The following SCNN1A variants were observed in gnomAD, a reference collection of about 807,000 sequenced individuals.
SCNN1A encodes the protein epithelial sodium channel subunit alpha.
In SCNN1A, 65 loss-of-function variants were observed where a neutral mutation model predicts 68.6. That is an observed-to-expected ratio of 0.95 (90% CI 0.78 to 1.16). The LOEUF is 1.16. Among genes scored for constraint, SCNN1A ranks in the 50% most tolerant of loss-of-function variants. The pLI is 0.00. For missense variants in SCNN1A, 880 were observed against 865.9 expected, an observed-to-expected ratio of 1.02 and a Z score of -0.20; for synonymous variants, 357 against 353.3, an observed-to-expected ratio of 1.01 and a Z score of -0.12.
upstream of SCNN1A, chr12:6,376,208 G>C (rs946380933): frequency 1.0e-6 from 1 of 984,240 alleles, no homozygotes; most frequent in Admixed American, 6.1e-5. Context: ...GGTGGGATGC[G>C]TCTGCCTCCT....
At chr12:6,366,151 G>A (rs1294645169) in intron 2 of SCNN1A, among the ~76,000 whole-genome samples, 1 of 152,086 alleles carries the variant, frequency 6.6e-6, no homozygotes, top group Non-Finnish European at 1.5e-5. Flanking sequence ...ACCACGCCCA[G>A]CCGAACAGAC....
chr12:6,356,020 CCTA>C, intron 4 of SCNN1A, 140 bp from the exon 5 acceptor site: 1 of 743,978 alleles, frequency 1.3e-6, no homozygotes, highest in South Asian at 1.4e-5. Context: ...TTCCTGATCA[CCTA>C]CTATGTGCTG....
chr12:6,348,791 G>A lies in SCNN1A; in HGVS notation c.1565C>T (p.Ala522Val). ...CTCCTTGAAGAAGATGTTGACTTTGGCCACTCCATTTCTTAGGTGTGGGGC... is the reference window on the plus strand; with the variant it reads ...CTCCTTGAAGAAGATGTTGACTTTGACCACTCCATTTCTTAGGTGTGGGGC... ...YTVNNKRNGV[A>V]KVNIFFKELN... Residue 522 changes from alanine to valine, a missense_variant, in exon 12 of 13, where the codon GCC becomes GTC. By Grantham distance (64) the Ala-to-Val change is moderately conservative. Transcript: ENST00000228916. The A allele has an allele frequency of 1.9e-6, 3 of 1,613,760 alleles. No homozygotes were observed. The highest frequency in any genetic ancestry group is 2.5e-6 in the Non-Finnish European group (3 of 1,179,924).
In SCNN1A at chr12:6,353,715, A is replaced by G. The variant is rs1311894051; in HGVS notation, c.1360+723T>C. 2.0e-4 allele frequency: 18 copies of G among 91,820 alleles called. 4 individuals carry two copies. The highest frequency in any genetic ancestry group is 1.2e-3 in the African/African-American group (17 of 14,164). The allele number at this position is 91,820 out of a possible 1,614,324, so 5.7% of individuals were successfully genotyped here. On this transcript the variant is annotated intron_variant, in intron 8 of 12. Coordinates refer to ENST00000228916, the MANE Select transcript of SCNN1A (RefSeq NM_001038.6). ...CACCATTCTCCTGCCTCAGCCTCCC[A>G]CGTAGCTGGGACTACAGGCGCCCGC...
At position 6,374,658 on chromosome 12, in the gene SCNN1A, C is replaced by T. The variant is rs138995556; in HGVS notation, c.126G>A (p.Thr42=). 972 of 1,613,764 alleles carry T rather than the reference C, an allele frequency of 6.0e-4. 1 individual carries two copies. Among genetic ancestry groups the T allele is most frequent in the Non-Finnish European group, 6.9e-4 (820 of 1,179,856 alleles). The stretch of plus-strand genomic sequence containing the variant: ...ACTCGATCAGGGCCTCCTCCTCCGC[C>T]GTGGGCTGCTGGGGCGCCGCAGGTT... The part of the protein sequence containing the change: ...GPEPAAPQQP[T]AEEEALIEFH... Residue 42 remains threonine, a synonymous_variant, in exon 2 of 13, where the codon ACG becomes ACA. Coordinates refer to ENST00000228916, the MANE Select transcript of SCNN1A (RefSeq NM_001038.6). The surrounding 1 kb of genome is among the most constrained non-coding windows in gnomAD (Gnocchi z 6.2).
At chr12:6,363,296 AC>A (rs1225948766) in intron 3 of SCNN1A, 146 bp downstream of exon 3, 22 of 561,310 alleles carry the variant, frequency 3.9e-5, no homozygotes, top group Non-Finnish European at 5.6e-5. Context: ...GTATTTATTT[AC>A]TTTTTTTTTT....
chr12:6,349,691 AGAGT>A (rs948438409), intron 8 of SCNN1A: 1 of 372,744 alleles, frequency 2.7e-6, no homozygotes. Context: ...CTCTGGCAAC[AGAGT>A]GAGACCTTGT....
chr12:6,359,314 G>A (rs761901295), intron 4 of SCNN1A, among the ~76,000 whole-genome samples: 2 of 152,184 alleles, frequency 1.3e-5, no homozygotes, highest in South Asian at 2.1e-4. Context: ...TGTAGTTATC[G>A]GGGAGGAAAG....
chr12:6,364,440 A>G (rs1020500997), intron 2 of SCNN1A, among the ~76,000 whole-genome samples: 1 of 152,202 alleles, frequency 6.6e-6, no homozygotes, highest in Non-Finnish European at 1.5e-5. Flanking sequence ...TGCAGGGTAC[A>G]CAACAAATAC....
At chr12:6,362,013 C>T (rs771422990) in intron 4 of SCNN1A, 38 bp downstream of exon 4, 9 of 1,608,724 alleles carry the variant, frequency 5.6e-6, no homozygotes, top group Non-Finnish European at 6.8e-6. Flanking sequence ...GGGAAGCGGA[C>T]CCCGCGGAGA....
At chr12:6,353,978 T>G in intron 8 of SCNN1A, 1 of 177,592 alleles carries the variant, frequency 5.6e-6, no homozygotes, top group East Asian at 1.5e-4. Context: ...GGAACAGAGA[T>G]AGAAGAGAGA....
chr12:6,362,022 G>A, intron 4 of SCNN1A, 29 bp downstream of exon 4: 1 of 1,612,352 alleles, frequency 6.2e-7, no homozygotes, highest in Non-Finnish European at 8.5e-7. Flanking sequence ...ACCCCGCGGA[G>A]AGCAAGGAGC....
intron 2 of SCNN1A, among the ~76,000 whole-genome samples, chr12:6,369,177 A>G (rs1948733236): frequency 6.6e-6 from 1 of 151,268 alleles, no homozygotes; most frequent in Non-Finnish European, 1.5e-5. Context: ...ACCAACTTCA[A>G]TCTGGTTGTC....
At position 6,354,433 on chromosome 12, in the gene SCNN1A, C is replaced by A; in HGVS notation, c.1360+5G>T. The A allele has an allele frequency of 6.3e-7, 1 of 1,591,780 alleles. No individual in the cohort carries two copies. The highest frequency in any genetic ancestry group is 8.6e-7 in the Non-Finnish European group (1 of 1,161,036). On this transcript the variant is annotated splice_donor_5th_base_variant and intron_variant, in intron 8 of 12. Coordinates refer to ENST00000228916, the MANE Select transcript of SCNN1A (RefSeq NM_001038.6). Reference sequence around the variant, plus strand: ...GGGCAGGGTGGGGGCTCCCTGGAGTCTCACCCCAGGAACTGTGCTTTCTGT... The same window carrying A: ...GGGCAGGGTGGGGGCTCCCTGGAGTATCACCCCAGGAACTGTGCTTTCTGT...
chr12:6,375,509 C>G lies in SCNN1A; in HGVS notation c.-59G>C, dbSNP rs72645135. On this transcript the variant is annotated 5_prime_UTR_variant, in exon 1 of 13. Transcript: ENST00000228916. ...CAAACCTCTCCTCCCCCTCACCTGA[C>G]AGGTGCAGCGGCCTGGCTGGGGAGC... The G allele has an allele frequency of 1.7e-4, 260 of 1,535,408 alleles. No individual in the cohort carries two copies. Among genetic ancestry groups the G allele is most frequent in the Non-Finnish European group, 2.0e-4 (235 of 1,146,832 alleles).
intron 8 of SCNN1A, chr12:6,353,818 T>A (rs1387634822): frequency 6.9e-6 from 1 of 145,156 alleles, no homozygotes; most frequent in Non-Finnish European, 1.5e-5. Context: ...CTCCATCTCC[T>A]GACCTCGTGA....
chr12:6,363,837 G>C, intron 2 of SCNN1A, 127 bp from the exon 3 acceptor site: 1 of 896,132 alleles, frequency 1.1e-6, no homozygotes, highest in Admixed American at 3.2e-5. Context: ...GGCGGGGCTG[G>C]GGTCGTCGTG....
chr12:6,370,488 G>A (rs559983501), intron 2 of SCNN1A, among the ~76,000 whole-genome samples: 84 of 152,154 alleles, frequency 5.5e-4, no homozygotes, highest in Middle Eastern at 3.2e-3. Context: ...CTCTTACCCC[G>A]GTGGCCTCCT....
At chr12:6,349,806 A>C (rs575671623) in intron 8 of SCNN1A, 42 of 207,564 alleles carry the variant, frequency 2.0e-4, no homozygotes, top group African/African-American at 9.6e-4. Context: ...GGCTCACTGC[A>C]AGCTCCGCCT....
Sources: allele counts gnomAD v4.1 joint callset (sites outside exome capture counted in the v4.1 genomes callset), GRCh38; gene constraint gnomAD v4.1.1; non-coding constraint Gnocchi (gnomAD v3.1); transcripts MANE v1.5; gene names NCBI Gene and HGNC (gene_info 2026-07-23, HGNC 2026-07-21).